The following PDE4B variants were observed in gnomAD, a reference collection of about 807,000 sequenced individuals.
The protein encoded by PDE4B is 3',5'-cyclic-AMP phosphodiesterase 4B.
PDE4B carries 20 observed loss-of-function variants against 82.2 expected under a neutral mutation model. That is an observed-to-expected ratio of 0.24 (90% confidence interval 0.17 to 0.35). The LOEUF (loss-of-function observed/expected upper bound fraction) is 0.35. Ranked by LOEUF, PDE4B falls within the 10% of genes least tolerant of loss-of-function variation. The pLI is 1.00. For synonymous variants in PDE4B, 320 were observed against 318.9 expected (o/e 1.00, Z -0.04); for missense variants, 655 against 907.2 (o/e 0.72, Z 3.57).
At chr1:65,935,271 T>C (rs988406127) in intron 3 of PDE4B, among the ~76,000 whole-genome samples, 31 of 151,872 alleles carry the variant, frequency 2.0e-4, no homozygotes, top group Admixed American at 2.0e-3. Flanking sequence ...ATTCTTCGCT[T>C]AATGGGTCAA....
At chr1:65,903,218 G>A (rs917145725) in intron 1 of PDE4B, among the ~76,000 whole-genome samples, 2 of 152,130 alleles carry the variant, frequency 1.3e-5, no homozygotes, top group African/African-American at 4.8e-5. Flanking sequence ...AAAATTAGAT[G>A]TTGTAGCTGC....
chr1:65,930,793 G>A (rs1647788921), intron 3 of PDE4B, among the ~76,000 whole-genome samples: 1 of 152,204 alleles, frequency 6.6e-6, no homozygotes, highest in East Asian at 1.9e-4. Flanking sequence ...TGTCTCAGAT[G>A]AGACTTTGGA....
intron 7 of PDE4B, among the ~76,000 whole-genome samples, chr1:66,306,296 G>A (rs1658272787): frequency 6.6e-6 from 1 of 152,020 alleles, no homozygotes; most frequent in African/African-American, 2.4e-5. Context: ...TTTTGAGCTG[G>A]CACTTGATGT....
intron 1 of PDE4B, among the ~76,000 whole-genome samples, chr1:65,812,805 A>G (rs1163372825): frequency 6.6e-6 from 1 of 152,198 alleles, no homozygotes; most frequent in Non-Finnish European, 1.5e-5. Context: ...ATGAAAACAC[A>G]AATAGATAGC....
At chr1:66,198,508 A>G (rs1648537662) in intron 3 of PDE4B, among the ~76,000 whole-genome samples, 1 of 152,182 alleles carries the variant, frequency 6.6e-6, no homozygotes. Flanking sequence ...TAGAGAAACT[A>G]CAATAGAAAT....
chr1:66,364,530 C>T (rs546479596), intron 12 of PDE4B, among the ~76,000 whole-genome samples: 1 of 152,242 alleles, frequency 6.6e-6, no homozygotes, highest in East Asian at 1.9e-4. Context: ...AGAGACTGGC[C>T]ATGCCCTGTC....
chr1:65,883,334 A>G (rs1646732276), intron 1 of PDE4B, among the ~76,000 whole-genome samples: 1 of 152,118 alleles, frequency 6.6e-6, no homozygotes, highest in Admixed American at 6.6e-5. Context: ...TATTTCGCTG[A>G]GCAGTGGTTT....
intron 3 of PDE4B, among the ~76,000 whole-genome samples, chr1:66,189,484 T>C (rs1359282660): frequency 6.6e-6 from 1 of 152,236 alleles, no homozygotes; most frequent in East Asian, 1.9e-4. Context: ...CAGACGTAGA[T>C]TTGGCCTTTT....
At chr1:65,864,764 A>G (rs1477344695) in intron 1 of PDE4B, among the ~76,000 whole-genome samples, 1 of 152,168 alleles carries the variant, frequency 6.6e-6, no homozygotes, top group Non-Finnish European at 1.5e-5. Context: ...CACCAGCCTG[A>G]TGCCAGCTGG....
At chr1:66,052,633 G>A (rs926268294) in intron 3 of PDE4B, among the ~76,000 whole-genome samples, 9 of 147,368 alleles carry the variant, frequency 6.1e-5, no homozygotes, top group Non-Finnish European at 7.4e-5. Context: ...CCTCATGTTC[G>A]TAAGCCACAG....
intron 6 of PDE4B, among the ~76,000 whole-genome samples, chr1:66,264,349 A>G (rs1003525550): frequency 3.9e-5 from 6 of 152,344 alleles, no homozygotes; most frequent in Admixed American, 6.5e-5. Flanking sequence ...CATATAGTAT[A>G]GTGGAAAGAG....
chr1:66,022,987 C>G (rs151028163), intron 3 of PDE4B, among the ~76,000 whole-genome samples: 183 of 152,124 alleles, frequency 1.2e-3, no homozygotes, highest in African/African-American at 3.9e-3. Flanking sequence ...ATTTCAGAAC[C>G]TGTTATTGGT....
At chr1:66,106,581 G>A (rs1184791308) in intron 3 of PDE4B, among the ~76,000 whole-genome samples, 1 of 150,656 alleles carries the variant, frequency 6.6e-6, no homozygotes, top group Non-Finnish European at 1.5e-5. Context: ...ACTCTTTTTG[G>A]TTGGTAAGCT....
In PDE4B at chr1:66,106,958, A is replaced by G. The variant is rs570648396; in HGVS notation, c.282-140502A>G. 9.6e-5 allele frequency among the ~76,000 whole-genome samples: 14 copies of G among 146,516 alleles called. 2 individuals are homozygous for G. The East Asian group carries it at 2.4e-3, about 25-fold the overall frequency. ...TTTCCTTCAGTTCTGCTCTGATTTT[A>G]GTTATTTCTTGCCTTCTGCTAGCTT... is the stretch of plus-strand genomic sequence containing the variant. On this transcript the variant is annotated intron_variant, in intron 3 of 16. Coordinates refer to ENST00000341517, the MANE Select transcript of PDE4B (RefSeq NM_002600.4).
chr1:66,021,230 G>T (rs1653089384), intron 3 of PDE4B, among the ~76,000 whole-genome samples: 1 of 152,204 alleles, frequency 6.6e-6, no homozygotes, highest in Non-Finnish European at 1.5e-5. Flanking sequence ...TTTGTCAGAT[G>T]AGTAGATTGC....
intron 3 of PDE4B, among the ~76,000 whole-genome samples, chr1:65,924,365 C>T (rs575170901): frequency 6.6e-5 from 10 of 151,848 alleles, no homozygotes; most frequent in Non-Finnish European, 1.3e-4. Flanking sequence ...TGAGCCACCG[C>T]GCCCGGCCGC....
intron 3 of PDE4B, among the ~76,000 whole-genome samples, chr1:65,958,241 GT>G (rs1246099216): frequency 6.6e-6 from 1 of 151,594 alleles, no homozygotes; most frequent in Admixed American, 6.6e-5. Flanking sequence ...TATTGAGATG[GT>G]TTTTTTAAAA....
At chr1:65,984,623 T>C (rs1039000692) in intron 3 of PDE4B, among the ~76,000 whole-genome samples, 4 of 152,090 alleles carry the variant, frequency 2.6e-5, no homozygotes, top group African/African-American at 9.7e-5. Context: ...GGCGTGGTGG[T>C]GGGCGCATGT....
At chr1:66,341,477 C>A (rs891047933) in intron 8 of PDE4B, among the ~76,000 whole-genome samples, 1 of 152,058 alleles carries the variant, frequency 6.6e-6, no homozygotes, top group African/African-American at 2.4e-5. Context: ...ATTTAGTATG[C>A]CTGAAAATTT....
Sources: gnomAD v4.1 joint callset for allele counts (sites outside exome capture counted in the v4.1 genomes callset) on GRCh38, gnomAD v4.1.1 for gene constraint, MANE v1.5 for transcripts, NCBI Gene and HGNC (gene_info 2026-07-23, HGNC 2026-07-21) for gene names.